HDX: variants seen among roughly 807,000 people sequenced by gnomAD.
HDX encodes highly divergent homeobox.
Under a neutral mutation model 45.2 loss-of-function variants are expected in HDX, and 19 were observed. That is an observed-to-expected ratio of 0.42 (90% CI 0.29 to 0.62). The LOEUF is 0.62. Among genes scored for constraint, HDX ranks in the 20% least tolerant of loss-of-function variants. The probability of loss-of-function intolerance (pLI) is 0.20; values close to 1 mark genes in which losing one functional copy is unlikely to be tolerated. For synonymous variants in HDX, 188 were observed against 172.8 expected (o/e 1.09, Z -0.69); for missense variants, 532 against 493.9 (o/e 1.08, Z -0.73).
intron 9 of HDX, among the ~76,000 whole-genome samples, chrX:84,330,552 TG>T (rs1211029511): frequency 1.8e-5 from 2 of 111,707 alleles, no homozygotes; most frequent in African/African-American, 6.5e-5. Flanking sequence ...TATTCATTGT[TG>T]GAGCAGTAGT....
At chrX:84,386,253 T>C (rs1342072360) in intron 5 of HDX, among the ~76,000 whole-genome samples, 2 of 111,656 alleles carry the variant, frequency 1.8e-5, no homozygotes, top group Non-Finnish European at 3.8e-5. Context: ...GGATTAGATT[T>C]ACTAGTATTT....
chrX:84,414,048 G>T (rs772091438), intron 5 of HDX, among the ~76,000 whole-genome samples: 38 of 111,684 alleles, frequency 3.4e-4, no homozygotes, highest in Non-Finnish European at 6.4e-4. Context: ...TAGACTTGTA[G>T]TCCTTTTGGA....
At chrX:84,345,364 A>G (rs1202017461) in intron 6 of HDX, among the ~76,000 whole-genome samples, 1 of 111,418 alleles carries the variant, frequency 9.0e-6, no homozygotes, top group Non-Finnish European at 1.9e-5. Context: ...CTTTTTCAAG[A>G]ATATTATATA....
intron 4 of HDX, among the ~76,000 whole-genome samples, chrX:84,449,053 C>T (rs954695337): frequency 1.9e-5 from 2 of 107,480 alleles, no homozygotes; most frequent in African/African-American, 6.8e-5. Flanking sequence ...ATAGATCACA[C>T]CAAGCAGAAG....
At chrX:84,431,910 T>G (rs1249428033) in intron 5 of HDX, among the ~76,000 whole-genome samples, 2 of 111,340 alleles carry the variant, frequency 1.8e-5, no homozygotes, top group African/African-American at 6.5e-5. Flanking sequence ...AAGTCTTTGC[T>G]CAGTCCTATG....
chrX:84,413,769 T>A (rs1055283191), intron 5 of HDX, among the ~76,000 whole-genome samples: 7 of 111,919 alleles, frequency 6.3e-5, no homozygotes, highest in Admixed American at 1.9e-4. Context: ...TTAAAATAAT[T>A]CAGTGCTCTT....
At chrX:84,462,007 G>C (rs181771354) in intron 4 of HDX, among the ~76,000 whole-genome samples, 20 of 112,071 alleles carry the variant, frequency 1.8e-4, no homozygotes, top group Admixed American at 1.7e-3. Context: ...TTATCCAAAA[G>C]ACAGGCAATA....
At chrX:84,431,807 G>A (rs2039512716) in intron 5 of HDX, among the ~76,000 whole-genome samples, 1 of 111,291 alleles carries the variant, frequency 9.0e-6, no homozygotes, top group African/African-American at 3.3e-5. Context: ...TCTGTTGAAA[G>A]TTCCTTTTGC....
chrX:84,464,986 A>T (rs961250915), intron 4 of HDX, among the ~76,000 whole-genome samples: 3 of 112,281 alleles, frequency 2.7e-5, no homozygotes, highest in Non-Finnish European at 5.6e-5. Flanking sequence ...CAAGAAAAAA[A>T]CAACCCCATC....
chrX:84,436,534 A>G (rs1205572457), intron 5 of HDX, among the ~76,000 whole-genome samples: 1 of 110,924 alleles, frequency 9.0e-6, no homozygotes, highest in Non-Finnish European at 1.9e-5. Context: ...TTCTATTTTC[A>G]TTTGCTTCAA....
intron 5 of HDX, among the ~76,000 whole-genome samples, chrX:84,396,173 T>A (rs2038557232): frequency 8.9e-6 from 1 of 112,480 alleles, no homozygotes; most frequent in Non-Finnish European, 1.9e-5. Context: ...ACATGTAGTG[T>A]AACAATTGCT....
intron 10 of HDX, among the ~76,000 whole-genome samples, chrX:84,324,921 T>C (rs1232753944): frequency 9.0e-6 from 1 of 111,284 alleles, no homozygotes; most frequent in Non-Finnish European, 1.9e-5. Context: ...CCCCTATTCA[T>C]TTAAAATCTG....
At chrX:84,400,277 G>A (rs746902151) in intron 5 of HDX, among the ~76,000 whole-genome samples, 1 of 110,047 alleles carries the variant, frequency 9.1e-6, no homozygotes, top group African/African-American at 3.3e-5. Context: ...TCTGTTTGCA[G>A]ACAATATGAT....
intron 6 of HDX, among the ~76,000 whole-genome samples, chrX:84,358,139 T>G: frequency 8.9e-6 from 1 of 111,936 alleles, no homozygotes; most frequent in Non-Finnish European, 1.9e-5. Flanking sequence ...CCATTGTTAC[T>G]TTTGGGTCTT....
At chrX:84,427,555 A>G (rs1440977042) in intron 5 of HDX, among the ~76,000 whole-genome samples, 1 of 111,213 alleles carries the variant, frequency 9.0e-6, no homozygotes, top group East Asian at 2.8e-4. Flanking sequence ...GGCATACAGT[A>G]TGTGCTCTCT....
rs528535855 is a variant in HDX at position 84,489,215 on chromosome X, C to T, written c.-109-1083G>A. Among the ~76,000 whole-genome samples, 8 of 111,119 alleles carry T rather than the reference C, an allele frequency of 7.2e-5. No homozygotes were observed. The South Asian group carries it at 3.0e-3, about 42-fold the overall frequency. ...TGATGATCTATAGTAGTTAAAATGG[C>T]TATTTTATTTCACACATGAACTGAG... On this transcript the variant is annotated intron_variant, in intron 1 of 10. Transcript: ENST00000373177.
intron 1 of HDX, chrX:84,501,554 A>AT (rs2041118332): frequency 8.9e-6 from 1 of 112,247 alleles, no homozygotes; most frequent in African/African-American, 3.2e-5. Flanking sequence ...ATTAGTGTTT[A>AT]TTTTTCCAAA....
intron 4 of HDX, among the ~76,000 whole-genome samples, chrX:84,441,559 A>T (rs1441495854): frequency 9.0e-6 from 1 of 111,680 alleles, no homozygotes; most frequent in African/African-American, 3.2e-5. Context: ...ATAATGTATG[A>T]CTGAAAAAGA....
intron 5 of HDX, among the ~76,000 whole-genome samples, chrX:84,362,012 A>G (rs150238646): frequency 0.034 from 3,760 of 111,699 alleles, 183 homozygotes; most frequent in African/African-American, 0.12. Flanking sequence ...TTACATTCAC[A>G]TACCAAACAC....
Sources: allele counts gnomAD v4.1 joint callset (sites outside exome capture counted in the v4.1 genomes callset), GRCh38; gene constraint gnomAD v4.1.1; transcripts MANE v1.5; gene names NCBI Gene and HGNC (gene_info 2026-07-23, HGNC 2026-07-21).